CTNNA2: variants seen among roughly 807,000 people sequenced by gnomAD.
CTNNA2 encodes the protein catenin alpha 2, also known as catenin alpha-2.
Under a neutral mutation model 101.0 loss-of-function variants are expected in CTNNA2, and 42 were observed. That is an observed-to-expected ratio of 0.42 (90% CI 0.32 to 0.54). The LOEUF (loss-of-function observed/expected upper bound fraction) is 0.54. Among genes scored for constraint, CTNNA2 ranks in the 20% least tolerant of loss-of-function variants. The pLI is 0.14. For synonymous variants in CTNNA2, 450 were observed against 456.4 expected (o/e 0.99, Z 0.18); for missense variants, 871 against 1,223.1 (o/e 0.71, Z 4.29).
At chr2:80,178,105 A>C (rs1705513811) in intron 7 of CTNNA2, among the ~76,000 whole-genome samples, 1 of 152,228 alleles carries the variant, frequency 6.6e-6, no homozygotes, top group Non-Finnish European at 1.5e-5. Context: ...TGAGGCCATC[A>C]GTGCAGGCTG....
intron 9 of CTNNA2, among the ~76,000 whole-genome samples, chr2:80,447,825 G>A (rs1683193622): frequency 6.6e-6 from 1 of 152,198 alleles, no homozygotes. Context: ...GAAGGTGGGA[G>A]GGTGGAGGGC....
chr2:79,863,040 C>T (rs1239008812), intron 4 of CTNNA2, among the ~76,000 whole-genome samples: 2 of 152,094 alleles, frequency 1.3e-5, no homozygotes, highest in East Asian at 3.9e-4. Context: ...TGATAGGAGG[C>T]CTCATAGTCT....
At chr2:79,341,547 C>A (rs11683642) in intron 3 of CTNNA2, among the ~76,000 whole-genome samples, 54,207 of 152,120 alleles carry the variant, frequency 0.36, 10,107 homozygotes, top group South Asian at 0.49. Context: ...TTCCACACAT[C>A]TTTGGAGCAA....
At chr2:80,181,949 A>G (rs530819519) in intron 7 of CTNNA2, among the ~76,000 whole-genome samples, 1 of 152,342 alleles carries the variant, frequency 6.6e-6, no homozygotes, top group East Asian at 1.9e-4. Context: ...CTCCATCCTT[A>G]AAATTCTGTT....
intron 7 of CTNNA2, among the ~76,000 whole-genome samples, chr2:80,282,273 GT>G (rs58708297): frequency 0.15 from 22,636 of 149,310 alleles, 2,199 homozygotes; most frequent in South Asian, 0.31. Flanking sequence ...TTTATTTGCT[GT>G]TTTTTTTTTA....
At position 79,432,183 on chromosome 2, in the gene CTNNA2, T is replaced by A. The variant is rs989212676; in HGVS notation, c.-135+58170T>A. Among the ~76,000 whole-genome samples, 4 of 152,304 alleles carry A rather than the reference T, an allele frequency of 2.6e-5. No individual in the cohort carries two copies. In the East Asian group the frequency reaches 7.7e-4, roughly 29 times the overall value. ...TAAATTTCTTCAAAAGCTCCAAAGA[T>A]GGCTTATAATACTAGGATGGAACGA... On this transcript the variant is annotated intron_variant, in intron 4 of 21. Transcript: ENST00000466387.
intron 4 of CTNNA2, among the ~76,000 whole-genome samples, chr2:79,458,454 G>A (rs1670847308): frequency 1.3e-5 from 2 of 152,236 alleles, no homozygotes; most frequent in Admixed American, 1.3e-4. Flanking sequence ...GATAGTGGTT[G>A]TCTGTGTGCA....
At chr2:79,278,068 A>T (rs1488829982) in intron 2 of CTNNA2, among the ~76,000 whole-genome samples, 1 of 152,144 alleles carries the variant, frequency 6.6e-6, no homozygotes, top group African/African-American at 2.4e-5. Flanking sequence ...GAAGGAAGGT[A>T]ATTTTATAGA....
chr2:80,540,050 T>C (rs1691410498), intron 9 of CTNNA2, among the ~76,000 whole-genome samples: 1 of 152,300 alleles, frequency 6.6e-6, no homozygotes, highest in Non-Finnish European at 1.5e-5. Flanking sequence ...TTAATTGTAT[T>C]GTTCAACATC....
intron 7 of CTNNA2, among the ~76,000 whole-genome samples, chr2:79,968,181 A>C (rs1212280145): frequency 1.3e-4 from 19 of 150,620 alleles, no homozygotes; most frequent in Non-Finnish European, 2.8e-4. Context: ...GTTTACTTTA[A>C]ATTGATGAAT....
chr2:80,009,542 T>A (rs908913324), intron 7 of CTNNA2, among the ~76,000 whole-genome samples: 3 of 152,180 alleles, frequency 2.0e-5, no homozygotes, highest in African/African-American at 7.2e-5. Flanking sequence ...CATGCACATG[T>A]GCACACATAC....
At chr2:79,747,883 G>A (rs552575245) in intron 3 of CTNNA2, among the ~76,000 whole-genome samples, 4 of 152,174 alleles carry the variant, frequency 2.6e-5, no homozygotes, top group East Asian at 3.9e-4. Flanking sequence ...CAAATGCCAC[G>A]TGCTCCTTCT....
intron 2 of CTNNA2, among the ~76,000 whole-genome samples, chr2:79,669,632 C>T (rs1284093042): frequency 2.6e-5 from 4 of 152,158 alleles, no homozygotes; most frequent in Non-Finnish European, 5.9e-5. Context: ...GCAGGCAAGT[C>T]ATTTGGATGT....
rs60757492 is a variant in CTNNA2, at chr2:80,635,971, C to CTTTT, written c.2575-11598_2575-11595dup. On this transcript the variant is annotated intron_variant, in intron 18 of 18. Transcript: ENST00000402739. Reference sequence around the variant, plus strand: ...TGGGTTGTCTTAAGGATGCCCATTGCTTTTTTTTTTTTTTTTTTTGATATA... The same window carrying CTTTT: ...TGGGTTGTCTTAAGGATGCCCATTGCTTTTTTTTTTTTTTTTTTTTTTTGATATA... Among the ~76,000 whole-genome samples the CTTTT allele has an allele frequency of 3.4e-3, 398 of 115,622 alleles. 7 individuals carry two copies. The highest frequency in any genetic ancestry group is 0.011 in the African/African-American group (339 of 30,662). The allele number at this position is 115,622 out of a possible 152,430, so 75.9% of individuals were successfully genotyped here. A position where few individuals can be genotyped will look rare whatever the true frequency, so the allele number is the denominator to read the frequency against.
intron 1 of CTNNA2, among the ~76,000 whole-genome samples, chr2:79,532,486 G>A (rs1008171484): frequency 6.6e-6 from 1 of 152,150 alleles, no homozygotes; most frequent in African/African-American, 2.4e-5. Flanking sequence ...TTCATTGAAT[G>A]TGCTTTAATA....
chr2:79,229,255 C>A (rs2104235355), intron 2 of CTNNA2, among the ~76,000 whole-genome samples: 2 of 152,216 alleles, frequency 1.3e-5, no homozygotes, highest in Middle Eastern at 3.4e-3. Context: ...TATGGTTTGG[C>A]TGTGACCCCA....
intron 7 of CTNNA2, among the ~76,000 whole-genome samples, chr2:79,991,912 A>G (rs888003578): frequency 1.3e-5 from 2 of 152,320 alleles, no homozygotes; most frequent in African/African-American, 2.4e-5. Context: ...GGCCTCAGGT[A>G]TGTTCTTAGC....
In CTNNA2 at chr2:79,247,045, G is replaced by A. The variant is rs899500163; in HGVS notation, c.-406+48969G>A. On this transcript the variant is annotated intron_variant, in intron 2 of 21. Transcript: ENST00000466387. Reference sequence around the variant, plus strand: ...AACCCTGAGTGCTGTTGCAGAAACCGGCAGGCGTGGCATAGATGTAGCATG... The same window carrying A: ...AACCCTGAGTGCTGTTGCAGAAACCAGCAGGCGTGGCATAGATGTAGCATG... Among the ~76,000 whole-genome samples, 7 of 152,176 alleles carry A rather than the reference G, an allele frequency of 4.6e-5. No homozygotes were observed. The East Asian group carries it at 7.7e-4, about 17-fold the overall frequency.
intron 3 of CTNNA2, among the ~76,000 whole-genome samples, chr2:79,855,929 T>G (rs758230283): frequency 1.3e-5 from 2 of 152,222 alleles, no homozygotes; most frequent in African/African-American, 2.4e-5. Flanking sequence ...AAGGTGGCTT[T>G]CTTTCTCCCA....
Sources: gnomAD v4.1 joint callset for allele counts (sites outside exome capture counted in the v4.1 genomes callset) on GRCh38, gnomAD v4.1.1 for gene constraint, MANE v1.5 for transcripts, NCBI Gene and HGNC (gene_info 2026-07-23, HGNC 2026-07-21) for gene names.